The following TENM3 variants were observed in gnomAD, a reference collection of about 807,000 sequenced individuals.
TENM3 encodes the protein teneurin transmembrane protein 3.
Under a neutral mutation model 255.1 loss-of-function variants are expected in TENM3, and 63 were observed. That is an observed-to-expected ratio of 0.25 (90% CI 0.20 to 0.30). The LOEUF is 0.30. Among genes scored for constraint, TENM3 ranks in the 10% least tolerant of loss-of-function variants. TENM3 has a pLI of 1.00. For synonymous variants in TENM3, 1,306 were observed against 1,322.3 expected (o/e 0.99, Z 0.27); for missense variants, 2,929 against 3,461.1 (o/e 0.85, Z 3.86).
the TENM3 span, among the ~76,000 whole-genome samples, chr4:181,928,707 G>A: frequency 6.6e-6 from 1 of 152,150 alleles, no homozygotes; most frequent in South Asian, 2.1e-4. Context: ...CCCAAGAAGA[G>A]CAACCCCAAG....
At chr4:181,644,906 G>A in the TENM3 span, among the ~76,000 whole-genome samples, 2 of 152,076 alleles carry the variant, frequency 1.3e-5, no homozygotes, top group Non-Finnish European at 2.9e-5. Context: ...AAATAAAAAT[G>A]TTCCTTTGTA....
At chr4:182,524,715 T>C (rs1486153283) in intron 3 of TENM3, among the ~76,000 whole-genome samples, 3 of 151,606 alleles carry the variant, frequency 2.0e-5, no homozygotes, top group Non-Finnish European at 4.4e-5. Flanking sequence ...CTCAGAGTCA[T>C]TGCTTTTTAA....
the TENM3 span, among the ~76,000 whole-genome samples, chr4:182,015,148 C>T: frequency 6.6e-6 from 1 of 152,150 alleles, no homozygotes; most frequent in Non-Finnish European, 1.5e-5. Flanking sequence ...AAGGGGTGTT[C>T]GCGGCCATCG....
chr4:182,094,080 A>G, the TENM3 span, among the ~76,000 whole-genome samples: 3 of 152,094 alleles, frequency 2.0e-5, no homozygotes, highest in African/African-American at 7.2e-5. Context: ...TGGAGTCAAC[A>G]CTGAGCAGGA....
chr4:181,941,100 A>T, the TENM3 span, among the ~76,000 whole-genome samples: 1 of 152,356 alleles, frequency 6.6e-6, no homozygotes, highest in Admixed American at 6.5e-5. Flanking sequence ...AGGTGGAATC[A>T]AAAATTTAGA....
At chr4:181,472,243 G>A in the TENM3 span, among the ~76,000 whole-genome samples, 1 of 152,158 alleles carries the variant, frequency 6.6e-6, no homozygotes, top group South Asian at 2.1e-4. Flanking sequence ...GAAGTAGGAG[G>A]CTGTTTGACA....
At chr4:182,551,137 G>A (rs945942796) in intron 3 of TENM3, among the ~76,000 whole-genome samples, 27 of 151,012 alleles carry the variant, frequency 1.8e-4, no homozygotes, top group Admixed American at 2.7e-4. Flanking sequence ...CAGGAGGATC[G>A]CTTGAACCCG....
the TENM3 span, among the ~76,000 whole-genome samples, chr4:181,920,950 A>G: frequency 6.6e-6 from 1 of 152,162 alleles, no homozygotes; most frequent in African/African-American, 2.4e-5. Context: ...CTTTCTCCAT[A>G]TGGCTAGCCA....
At chr4:181,887,762 C>T in the TENM3 span, among the ~76,000 whole-genome samples, 6 of 152,294 alleles carry the variant, frequency 3.9e-5, no homozygotes, top group Non-Finnish European at 5.9e-5. Context: ...AGACGAGATG[C>T]AGCTTCAAAA....
At chr4:182,633,838 T>G (rs1224618503) in intron 5 of TENM3, among the ~76,000 whole-genome samples, 4 of 152,238 alleles carry the variant, frequency 2.6e-5, no homozygotes, top group African/African-American at 9.6e-5. Context: ...TTGAAGAGAT[T>G]TAAGCATAGG....
intron 1 of TENM3, among the ~76,000 whole-genome samples, chr4:182,281,983 G>A (rs56133853): frequency 0.1 from 15,507 of 152,122 alleles, 1,474 homozygotes; most frequent in African/African-American, 0.25. Context: ...TAATCTGCCC[G>A]CCTCGGCCTC....
At chr4:182,025,589 G>T in the TENM3 span, among the ~76,000 whole-genome samples, 1 of 152,032 alleles carries the variant, frequency 6.6e-6, no homozygotes, top group African/African-American at 2.4e-5. Flanking sequence ...GTTTTTTGAG[G>T]CAGTTCCAAA....
intron 1 of TENM3, among the ~76,000 whole-genome samples, chr4:182,323,736 CAT>C (rs1395580731): frequency 6.6e-6 from 1 of 152,122 alleles, no homozygotes; most frequent in Non-Finnish European, 1.5e-5. Flanking sequence ...AATAAACACT[CAT>C]AGCACTCACC....
chr4:181,835,196 A>G, the TENM3 span: 6 of 152,342 alleles, frequency 3.9e-5, no homozygotes, highest in Non-Finnish European at 8.8e-5. Context: ...TCGGTCTGTT[A>G]GAGAAGGGTT....
intron 3 of TENM3, among the ~76,000 whole-genome samples, chr4:182,558,289 T>C (rs1355537814): frequency 1.3e-5 from 2 of 152,224 alleles, no homozygotes; most frequent in Non-Finnish European, 2.9e-5. Context: ...TTTTTACAGC[T>C]GGACTCTAGC....
the TENM3 span, among the ~76,000 whole-genome samples, chr4:181,775,979 C>G: frequency 2.6e-5 from 4 of 152,110 alleles, no homozygotes; most frequent in African/African-American, 9.7e-5. Flanking sequence ...TTGTTGTTAA[C>G]TATAGTTACT....
intron 3 of TENM3, among the ~76,000 whole-genome samples, chr4:182,576,174 G>T (rs1744897157): frequency 6.6e-6 from 1 of 152,028 alleles, no homozygotes; most frequent in Admixed American, 6.5e-5. Context: ...AAGACATCAG[G>T]TTCAGTTCCC....
At chr4:182,333,244 G>A (rs1353973066) in intron 2 of TENM3, among the ~76,000 whole-genome samples, 1 of 152,130 alleles carries the variant, frequency 6.6e-6, no homozygotes, top group Non-Finnish European at 1.5e-5. Context: ...CTTGATTAGA[G>A]TAGTACAAAA....
chr4:181,926,699 G>T, the TENM3 span, among the ~76,000 whole-genome samples: 3 of 152,164 alleles, frequency 2.0e-5, no homozygotes, highest in African/African-American at 7.2e-5. Flanking sequence ...GGCATCAAAA[G>T]ATATGGTCCT....
Sources: allele counts gnomAD v4.1 joint callset (sites outside exome capture counted in the v4.1 genomes callset), GRCh38; gene constraint gnomAD v4.1.1; transcripts MANE v1.5; gene names NCBI Gene and HGNC (gene_info 2026-07-23, HGNC 2026-07-21).